The following KLHL2 variants were observed in gnomAD, a reference collection of about 807,000 sequenced individuals.
The protein encoded by KLHL2 is kelch-like protein 2.
In KLHL2, 15 loss-of-function variants were observed where a neutral mutation model predicts 75.8. The ratio of observed to expected loss-of-function variants is 0.20; its 90% CI spans 0.13 to 0.30. The LOEUF (loss-of-function observed/expected upper bound fraction) is 0.30. Among genes scored for constraint, KLHL2 ranks in the 10% least tolerant of loss-of-function variants. KLHL2 has a pLI of 1.00. For synonymous variants in KLHL2, 214 were observed against 251.9 expected (o/e 0.85, Z 1.42); for missense variants, 381 against 741.0 (o/e 0.51, Z 5.64).
At position 165,312,429 on chromosome 4, in the gene KLHL2, T is replaced by TA. The variant is rs57654592; in HGVS notation, c.1340-809_1340-808insA. Reference sequence around the variant, plus strand: ...AGGCTCTAAGTATTATTATTATTATTTTTTTTTAATTGACTTGGGCAAATT... The same window carrying TA: ...AGGCTCTAAGTATTATTATTATTATTATTTTTTTAATTGACTTGGGCAAATT... On this transcript the variant is annotated intron_variant, in intron 11 of 14. Transcript: ENST00000226725. Among the ~76,000 whole-genome samples the TA allele has an allele frequency of 5.5e-3, 753 of 135,740 alleles. 8 individuals carry two copies. The highest frequency in any genetic ancestry group is 0.022 in the African/African-American group (634 of 29,224). 89.1% of individuals were successfully genotyped at this position (135,740 alleles called of 152,430 possible).
intron 5 of KLHL2, among the ~76,000 whole-genome samples, chr4:165,280,652 G>C (rs1299170445): frequency 6.6e-6 from 1 of 152,210 alleles, no homozygotes; most frequent in African/African-American, 2.4e-5. Context: ...GCACTTTTTA[G>C]CTGAAGTCAT....
At chr4:165,307,923 AC>A (rs1745859088) in intron 9 of KLHL2, among the ~76,000 whole-genome samples, 1 of 152,114 alleles carries the variant, frequency 6.6e-6, no homozygotes, top group South Asian at 2.1e-4. Flanking sequence ...TTGTCCAAAT[AC>A]CCCTTATTGA....
intron 5 of KLHL2, among the ~76,000 whole-genome samples, chr4:165,293,323 G>A (rs1217497865): frequency 6.6e-6 from 1 of 152,024 alleles, no homozygotes; most frequent in African/African-American, 2.4e-5. Flanking sequence ...TTTTCCCCTT[G>A]GGAAGAGTGG....
intron 1 of KLHL2, among the ~76,000 whole-genome samples, chr4:165,218,448 A>C (rs1405209930): frequency 6.6e-6 from 1 of 152,108 alleles, no homozygotes; most frequent in Non-Finnish European, 1.5e-5. Flanking sequence ...TCTTTTGTTC[A>C]AATCTCAGTT....
chr4:165,303,170 G>T (rs566613930), intron 8 of KLHL2, among the ~76,000 whole-genome samples: 110 of 152,162 alleles, frequency 7.2e-4, no homozygotes, highest in African/African-American at 2.5e-3. Flanking sequence ...GTGAGTAAAG[G>T]ACAAATATTA....
intron 5 of KLHL2, among the ~76,000 whole-genome samples, chr4:165,272,977 C>G (rs1408937794): frequency 2.0e-5 from 3 of 152,126 alleles, no homozygotes; most frequent in Non-Finnish European, 4.4e-5. Flanking sequence ...AAAGGATGTA[C>G]TGCTTTTATA....
At chr4:165,248,550 A>G (rs999062730) in intron 4 of KLHL2, among the ~76,000 whole-genome samples, 3 of 152,190 alleles carry the variant, frequency 2.0e-5, no homozygotes, top group Non-Finnish European at 2.9e-5. Context: ...GGAAATAGCA[A>G]TGGGGAGCTG....
At chr4:165,219,213 A>G in intron 1 of KLHL2, among the ~76,000 whole-genome samples, 1 of 152,372 alleles carries the variant, frequency 6.6e-6, no homozygotes, top group East Asian at 1.9e-4. Context: ...TGGTATTGAA[A>G]TATTAGTGAA....
In KLHL2 at chr4:165,261,409, C is replaced by T. The variant is rs572266779; in HGVS notation, c.382-1788C>T. Reference sequence around the variant, plus strand: ...AGGCTGGAGTGCGGTGGTGTGATCTCGGCTCATTGCAACCTCTGCCTCCAG... The same window carrying T: ...AGGCTGGAGTGCGGTGGTGTGATCTTGGCTCATTGCAACCTCTGCCTCCAG... On this transcript the variant is annotated intron_variant, in intron 4 of 14. Coordinates refer to ENST00000226725, the MANE Select transcript of KLHL2 (RefSeq NM_007246.4). Among the ~76,000 whole-genome samples, 4 of 151,904 alleles carry T rather than the reference C, an allele frequency of 2.6e-5. 1 individual carries two copies. The Middle Eastern group carries it at 0.01, about 388-fold the overall frequency.
At chr4:165,257,915 T>C (rs1741314734) in intron 4 of KLHL2, among the ~76,000 whole-genome samples, 1 of 151,480 alleles carries the variant, frequency 6.6e-6, no homozygotes. Flanking sequence ...GCAAATGAAA[T>C]GGAGCAGTGC....
intron 4 of KLHL2, among the ~76,000 whole-genome samples, chr4:165,248,261 G>A (rs1740421252): frequency 1.3e-5 from 2 of 152,196 alleles, no homozygotes; most frequent in African/African-American, 2.4e-5. Flanking sequence ...AAAATTGTCA[G>A]CAGTTGTGGT....
intron 4 of KLHL2, among the ~76,000 whole-genome samples, chr4:165,248,710 G>A (rs551898266): frequency 1.3e-5 from 2 of 152,324 alleles, no homozygotes; most frequent in South Asian, 4.1e-4. Flanking sequence ...CTTAAAGTCT[G>A]TTTCAGAAGA....
intron 14 of KLHL2, chr4:165,321,288 TCTC>T (rs1746959778): frequency 2.2e-6 from 1 of 455,780 alleles, no homozygotes; most frequent in Non-Finnish European, 4.4e-6. Context: ...AAGACCAACC[TCTC>T]CTCTTTCTCC....
chr4:165,275,693 T>C (rs1410242831), intron 5 of KLHL2, among the ~76,000 whole-genome samples: 4 of 152,202 alleles, frequency 2.6e-5, no homozygotes, highest in African/African-American at 9.6e-5. Context: ...CCTCCTGCCT[T>C]GGCTTCCCAG....
At chr4:165,316,472 C>T (rs2126584471) in intron 13 of KLHL2, among the ~76,000 whole-genome samples, 1 of 152,158 alleles carries the variant, frequency 6.6e-6, no homozygotes, top group East Asian at 1.9e-4. Flanking sequence ...AGTTTTTTTC[C>T]TACAAAGTTT....
In KLHL2 at chr4:165,209,905, C is replaced by A. The variant is rs369642405; in HGVS notation, c.26+2003C>A. The A allele has an allele frequency of 2.1e-5, 17 of 827,634 alleles. No individual in the cohort carries two copies. In the East Asian group the frequency reaches 3.3e-4, roughly 16 times the overall value. 51.3% of individuals were successfully genotyped at this position (827,634 alleles called of 1,614,324 possible). ...GGATCAGAAATAGTTTTTTTCCTTG[C>A]CACCCCTTGGCCTGTTTGCCTCCAC... On this transcript the variant is annotated intron_variant, in intron 1 of 14. Transcript: ENST00000226725.
At chr4:165,278,894 A>G (rs1337852559) in intron 5 of KLHL2, 10 of 1,424,110 alleles carry the variant, frequency 7.0e-6, no homozygotes, top group Non-Finnish European at 9.9e-6. Context: ...AGATATTGGC[A>G]CACCTTCCAA....
intron 5 of KLHL2, among the ~76,000 whole-genome samples, chr4:165,283,202 C>T (rs1743827969): frequency 6.6e-6 from 1 of 152,158 alleles, no homozygotes; most frequent in African/African-American, 2.4e-5. Context: ...ACCTCTGGCC[C>T]CTCCCAAATC....
intron 1 of KLHL2, among the ~76,000 whole-genome samples, chr4:165,214,453 C>T (rs1737399784): frequency 6.6e-6 from 1 of 152,180 alleles, no homozygotes; most frequent in South Asian, 2.1e-4. Flanking sequence ...ACAAAAAGTG[C>T]CTGATTGTGT....
Sources: allele counts gnomAD v4.1 joint callset (sites outside exome capture counted in the v4.1 genomes callset), GRCh38; gene constraint gnomAD v4.1.1; transcripts MANE v1.5; gene names NCBI Gene and HGNC (gene_info 2026-07-23, HGNC 2026-07-21).